ERCC1: variants seen among roughly 807,000 people sequenced by gnomAD.
The protein encoded by ERCC1 is DNA excision repair protein ERCC-1.
In ERCC1, 36 loss-of-function variants were observed where a neutral mutation model predicts 37.6. The observed-to-expected ratio is 0.96, with a 90% confidence interval of 0.73 to 1.26. The LOEUF (loss-of-function observed/expected upper bound fraction) is 1.26, where lower values mean the gene tolerates loss of function less well. Among genes scored for constraint, ERCC1 ranks in the 50% most tolerant of loss-of-function variants. The probability of loss-of-function intolerance (pLI) is 0.00; values close to 1 mark genes in which losing one functional copy is unlikely to be tolerated. For missense variants in ERCC1, 349 were observed against 376.5 expected (o/e 0.93, Z 0.60); for synonymous variants, 156 against 162.1 (o/e 0.96, Z 0.28).
chr19:45,443,095 C>T (rs1359321814), intron 1 of ERCC1, among the ~76,000 whole-genome samples: 1 of 152,096 alleles, frequency 6.6e-6, no homozygotes, highest in East Asian at 1.9e-4. Context: ...ACCAGGGACT[C>T]AGGAGCTGAG....
intron 1 of ERCC1, 71 bp from the exon 2 acceptor site, chr19:45,423,452 C>G: frequency 6.5e-7 from 1 of 1,539,098 alleles, no homozygotes; most frequent in Non-Finnish European, 8.7e-7. Flanking sequence ...AGGAACCCCC[C>G]ACTCACAGCC....
At chr19:45,425,324 G>A (rs1428092419), upstream of ERCC1, among the ~76,000 whole-genome samples, 2 of 151,978 alleles carry the variant, frequency 1.3e-5, no homozygotes, top group East Asian at 1.9e-4. Context: ...CACAGACACG[G>A]TCCCAAACAG....
intron 9 of ERCC1, 75 bp from the exon 10 acceptor site, chr19:45,409,800 T>A (rs1973577767): frequency 1.4e-6 from 1 of 722,380 alleles, no homozygotes; most frequent in African/African-American, 1.7e-5. Flanking sequence ...AGAGTGGGGT[T>A]TTGGTTCTTT....
At chr19:45,444,538 C>T (rs1975210861) in intron 1 of ERCC1, among the ~76,000 whole-genome samples, 1 of 152,166 alleles carries the variant, frequency 6.6e-6, no homozygotes, top group Non-Finnish European at 1.5e-5. Flanking sequence ...CGCGCCAAAC[C>T]CTCGGCCTTG....
chr19:45,417,312 T>G (rs1265801270), intron 5 of ERCC1, among the ~76,000 whole-genome samples: 1 of 151,934 alleles, frequency 6.6e-6, no homozygotes, highest in Admixed American at 6.6e-5. Context: ...CCCCAGACAC[T>G]GATGATCTGG....
In ERCC1 at chr19:45,414,957, G is replaced by A. The variant is rs757536485; in HGVS notation, c.606C>T (p.Pro202=). Residue 202 remains proline, a synonymous_variant, in exon 7 of 10, where the codon CCC becomes CCT. Transcript: ENST00000300853. Reference sequence around the variant, plus strand: ...TCTCCAGGTACCGCCCAGCTTCCTCGGGGCTGGGATAACAGGATACAGGGC... The same window carrying A: ...TCTCCAGGTACCGCCCAGCTTCCTCAGGGCTGGGATAACAGGATACAGGGC... ...ADCTLILAWS[P]EEAGRYLETY... 33 of 1,612,408 alleles carry A rather than the reference G, an allele frequency of 2.0e-5. No individual in the cohort carries two copies. The highest frequency in any genetic ancestry group is 2.4e-5 in the Non-Finnish European group (28 of 1,178,758).
intron 9 of ERCC1, among the ~76,000 whole-genome samples, chr19:45,412,749 T>TA (rs1973819426): frequency 6.6e-6 from 1 of 151,188 alleles, no homozygotes; most frequent in South Asian, 2.1e-4. Flanking sequence ...TTTTTTTTTT[T>TA]AATTTTTGAG....
At chr19:45,411,398 T>G (rs1217536777) in intron 9 of ERCC1, among the ~76,000 whole-genome samples, 2 of 152,190 alleles carry the variant, frequency 1.3e-5, no homozygotes, top group Admixed American at 1.3e-4. Context: ...TGTACTGATT[T>G]ACATTCCCAT....
chr19:45,418,434 C>T (rs931070122), intron 5 of ERCC1, among the ~76,000 whole-genome samples: 2 of 152,142 alleles, frequency 1.3e-5, no homozygotes, highest in South Asian at 2.1e-4. Context: ...GCAGGAGAAT[C>T]GTTTGAACCC....
chr19:45,428,603 T>C (rs1322400486), upstream of ERCC1, among the ~76,000 whole-genome samples: 1 of 152,074 alleles, frequency 6.6e-6, no homozygotes, highest in Non-Finnish European at 1.5e-5. Flanking sequence ...CTTCCCCTCC[T>C]CTCAACTTCG....
At chr19:45,438,649 A>T (rs1183127937) in intron 1 of ERCC1, among the ~76,000 whole-genome samples, 1 of 150,886 alleles carries the variant, frequency 6.6e-6, no homozygotes, top group African/African-American at 2.4e-5. Flanking sequence ...TATTATTATT[A>T]TTATTTTTTA....
At position 45,440,608 on chromosome 19, in the gene ERCC1, G is replaced by A. The variant is rs142969833; in HGVS notation, c.-7-17227C>T. On this transcript the variant is annotated intron_variant, in intron 1 of 8. Transcript: ENST00000423698. ...CACGGCTCATTCTGTGACCAGGGTCGGGGCTCAGGCTGGGGAAGGATGACC... is the reference window on the plus strand; with the variant it reads ...CACGGCTCATTCTGTGACCAGGGTCAGGGCTCAGGCTGGGGAAGGATGACC... Among the ~76,000 whole-genome samples the A allele has an allele frequency of 1.0e-3, 157 of 152,292 alleles. 2 individuals carry two copies. Among genetic ancestry groups the A allele is most frequent in the African/African-American group, 3.7e-3 (153 of 41,558 alleles).
In ERCC1 at chr19:45,408,769, G is replaced by C. The variant is rs758241432; in HGVS notation, c.*906C>G. The C allele has an allele frequency of 3.1e-6, 5 of 1,613,846 alleles. No individual in the cohort carries two copies. In the Admixed American group the frequency reaches 5.0e-5, roughly 16 times the overall value. ...AAGAAACCTTCGAGCCAGAAGACAA[G>C]ACAGTGAAGCAGGAACAGATTAACA... On this transcript the variant is annotated 3_prime_UTR_variant, in exon 10 of 10. Transcript: ENST00000300853.
At chr19:45,414,214 G>A (rs1361695659) in intron 7 of ERCC1, 180 bp from the exon 8 acceptor site, 1 of 656,016 alleles carries the variant, frequency 1.5e-6, no homozygotes, top group Non-Finnish European at 2.8e-6. Context: ...GGTGGCTCAT[G>A]CCTAATAATC....
At chr19:45,411,523 A>G (rs1973736531) in intron 9 of ERCC1, among the ~76,000 whole-genome samples, 1 of 151,978 alleles carries the variant, frequency 6.6e-6, no homozygotes, top group South Asian at 2.1e-4. Flanking sequence ...GCCGGGCACC[A>G]TGGCTCACAC....
At chr19:45,447,479 C>T (rs529892301) in intron 1 of ERCC1, among the ~76,000 whole-genome samples, 27 of 151,984 alleles carry the variant, frequency 1.8e-4, no homozygotes, top group African/African-American at 6.0e-4. Flanking sequence ...TTCACCATGT[C>T]GGTCAGGCTG....
Position 45,409,561 on chromosome 19 carries a change from A to C in ERCC1, c.*114T>G, listed in dbSNP as rs1973559447. 4.4e-6 allele frequency: 7 copies of C among 1,573,336 alleles called. No individual in the cohort carries two copies. Among genetic ancestry groups the C allele is most frequent in the Non-Finnish European group, 6.0e-6 (7 of 1,159,524 alleles). On this transcript the variant is annotated 3_prime_UTR_variant, in exon 10 of 10. Transcript: ENST00000300853. ...TGAAGGTGCCCACCTGGGCCACCAG[A>C]AGGTGACACCCCCAGAATCCCTCCC...
intron 5 of ERCC1, among the ~76,000 whole-genome samples, chr19:45,418,610 G>GTC (rs1974206665): frequency 6.6e-6 from 1 of 151,564 alleles, no homozygotes; most frequent in Non-Finnish European, 1.5e-5. Flanking sequence ...ATCACCTGAG[G>GTC]TCAGGAGTTC....
At chr19:45,438,866 C>T (rs907970016) in intron 1 of ERCC1, among the ~76,000 whole-genome samples, 2 of 151,898 alleles carry the variant, frequency 1.3e-5, no homozygotes, top group Non-Finnish European at 2.9e-5. Context: ...GTCTCGAAAT[C>T]CCGACCTCAA....
Sources: gnomAD v4.1 joint callset for allele counts (sites outside exome capture counted in the v4.1 genomes callset) on GRCh38, gnomAD v4.1.1 for gene constraint, MANE v1.5 for transcripts, NCBI Gene and HGNC (gene_info 2026-07-23, HGNC 2026-07-21) for gene names.